Variants in KGD4 observed in about 807,000 individuals in gnomAD.
The protein encoded by KGD4 is alpha-ketoglutarate dehydrogenase subunit 4.
the KGD4 span, among the ~76,000 whole-genome samples, chr5:69,222,809 CAG>C: frequency 6.7e-6 from 1 of 148,426 alleles, no homozygotes; most frequent in Non-Finnish European, 1.5e-5. Flanking sequence ...TTTTTTGAGA[CAG>C]AGCCTCTCTC....
the KGD4 span, among the ~76,000 whole-genome samples, chr5:69,225,852 T>C: frequency 9.8e-4 from 149 of 152,332 alleles, 1 homozygote; most frequent in African/African-American, 3.5e-3. Flanking sequence ...GTGTTGGGAT[T>C]ATAGGCGTGA....
the KGD4 span, chr5:69,228,365 A>C: frequency 5.0e-6 from 8 of 1,600,990 alleles, no homozygotes; most frequent in African/African-American, 9.4e-5. Context: ...CTTGTGTCTC[A>C]AGAAGAAATG....
chr5:69,226,388 T>A, the KGD4 span: 1 of 1,605,152 alleles, frequency 6.2e-7, no homozygotes, highest in Non-Finnish European at 8.5e-7. Context: ...GAAGAGACAA[T>A]CCTAAACCCA....
At chr5:69,226,276 T>G in the KGD4 span, 5 of 1,134,306 alleles carry the variant, frequency 4.4e-6, no homozygotes, top group Non-Finnish European at 5.2e-6. Flanking sequence ...ACTTATGAGG[T>G]TTAGTAGATC....
chr5:69,228,306 A>T, the KGD4 span: 11 of 1,607,556 alleles, frequency 6.8e-6, no homozygotes, highest in Non-Finnish European at 8.5e-6. Flanking sequence ...AGGGTCCACC[A>T]GACACTGCAG....
the KGD4 span, among the ~76,000 whole-genome samples, chr5:69,219,605 GGAAT>G: frequency 1.3e-5 from 2 of 152,090 alleles, no homozygotes; most frequent in African/African-American, 4.8e-5. Context: ...TATACAGTAA[GGAAT>G]GGTCTGTGCC....
At chr5:69,218,497 T>TGTGTGTGTGTGTGTGTGTGTATAA in the KGD4 span, among the ~76,000 whole-genome samples, 9 of 150,212 alleles carry the variant, frequency 6.0e-5, no homozygotes, top group African/African-American at 2.2e-4. Context: ...TGTGTGTGTG[T>TGTGTGTGTGTGTGTGTGTGTATAA]GTATAAGCGT....
At chr5:69,228,880 T>A in the KGD4 span, among the ~76,000 whole-genome samples, 1 of 151,742 alleles carries the variant, frequency 6.6e-6, no homozygotes, top group Non-Finnish European at 1.5e-5. Context: ...CTGGGTGTGG[T>A]GGTGGGTACC....
the KGD4 span, among the ~76,000 whole-genome samples, chr5:69,225,069 G>A: frequency 5.7e-5 from 8 of 139,532 alleles, no homozygotes; most frequent in East Asian, 2.2e-4. Context: ...GTGAGACTCC[G>A]TCTGAAAAAA....
At chr5:69,229,096 T>C in the KGD4 span, 2 of 863,244 alleles carry the variant, frequency 2.3e-6, no homozygotes, top group Non-Finnish European at 1.8e-6. Context: ...AACTATTTTT[T>C]AAAAACCAAA....
At chr5:69,228,179 C>CTTT in the KGD4 span, 24 of 1,373,762 alleles carry the variant, frequency 1.7e-5, no homozygotes, top group South Asian at 6.0e-5. Flanking sequence ...CTAATAAGGT[C>CTTT]TTTTTTTTTT....
chr5:69,227,039 T>G, the KGD4 span, among the ~76,000 whole-genome samples: 1 of 151,922 alleles, frequency 6.6e-6, no homozygotes, highest in African/African-American at 2.4e-5. Flanking sequence ...GCCTGGCTAA[T>G]TTTTGTATTT....
the KGD4 span, among the ~76,000 whole-genome samples, chr5:69,218,498 G>GTGTGTGTGTA: frequency 6.6e-6 from 1 of 151,818 alleles, no homozygotes; most frequent in Admixed American, 6.6e-5. Context: ...GTGTGTGTGT[G>GTGTGTGTGTA]TATAAGCGTT....
the KGD4 span, among the ~76,000 whole-genome samples, chr5:69,219,994 T>C: frequency 6.6e-6 from 1 of 152,088 alleles, no homozygotes; most frequent in Non-Finnish European, 1.5e-5. Context: ...CTTTGGTAGT[T>C]TGAGGCAGGA....
At chr5:69,226,414 T>G in the KGD4 span, 1 of 1,540,034 alleles carries the variant, frequency 6.5e-7, no homozygotes, top group East Asian at 2.3e-5. Context: ...GAGTTGTATT[T>G]TATTTAAATT....
the KGD4 span, among the ~76,000 whole-genome samples, chr5:69,218,586 T>A: frequency 6.6e-6 from 1 of 152,104 alleles, no homozygotes; most frequent in Non-Finnish European, 1.5e-5. Context: ...AGCTACTAAC[T>A]CCTGATAGCC....
chr5:69,218,909 C>A, the KGD4 span, among the ~76,000 whole-genome samples: 1 of 152,126 alleles, frequency 6.6e-6, no homozygotes. Flanking sequence ...GTTAAAGATT[C>A]TGTAAGGACT....
the KGD4 span, among the ~76,000 whole-genome samples, chr5:69,223,858 C>A: frequency 6.6e-6 from 1 of 151,376 alleles, no homozygotes; most frequent in African/African-American, 2.4e-5. Context: ...CATGGTGAAA[C>A]CCTGTCTCTA....
At chr5:69,226,347 CCA>C in the KGD4 span, 3 of 1,605,142 alleles carry the variant, frequency 1.9e-6, no homozygotes, top group Non-Finnish European at 2.6e-6. Flanking sequence ...GGTAGTCAAA[CCA>C]CACACTCCAT....
Sources: allele counts gnomAD v4.1 joint callset (sites outside exome capture counted in the v4.1 genomes callset), GRCh38; gene constraint gnomAD v4.1.1; transcripts MANE v1.5; gene names NCBI Gene and HGNC (gene_info 2026-07-23, HGNC 2026-07-21).